CAMK1D: variants seen among roughly 807,000 people sequenced by gnomAD.
CAMK1D encodes the protein calcium/calmodulin-dependent protein kinase type 1D.
Under a neutral mutation model 47.7 loss-of-function variants are expected in CAMK1D, and 9 were observed. That is an observed-to-expected ratio of 0.19 (90% CI 0.11 to 0.33). The LOEUF (loss-of-function observed/expected upper bound fraction) is 0.33, where lower values mean the gene tolerates loss of function less well. Ranked by LOEUF, CAMK1D falls within the 10% of genes least tolerant of loss-of-function variation. The pLI is 1.00. For synonymous variants in CAMK1D, 184 were observed against 184.9 expected, an observed-to-expected ratio of 0.99 and a Z score of 0.04; for missense variants, 291 against 488.7, an observed-to-expected ratio of 0.60 and a Z score of 3.81.
intron 1 of CAMK1D, among the ~76,000 whole-genome samples, chr10:12,395,091 A>G: frequency 7.9e-6 from 1 of 127,272 alleles, no homozygotes; most frequent in African/African-American, 3.1e-5. Flanking sequence ...TTTTTTGCAG[A>G]GACAGGGTCT....
intron 1 of CAMK1D, among the ~76,000 whole-genome samples, chr10:12,482,500 T>TG (rs1834094333): frequency 1.3e-5 from 2 of 151,480 alleles, no homozygotes. Flanking sequence ...ATAATAGAAT[T>TG]TTTTTTTCTC....
chr10:12,730,215 G>A (rs934353959), intron 3 of CAMK1D, among the ~76,000 whole-genome samples: 22 of 152,232 alleles, frequency 1.4e-4, no homozygotes, highest in Middle Eastern at 3.4e-3. Flanking sequence ...GATGGGGTAG[G>A]ATTCTGGATG....
chr10:12,420,264 T>A (rs78237740), intron 1 of CAMK1D, among the ~76,000 whole-genome samples: 1,740 of 152,366 alleles, frequency 0.011, 25 homozygotes, highest in African/African-American at 0.04. Context: ...GGCCCATGTC[T>A]ATGTAACTTT....
intron 10 of CAMK1D, among the ~76,000 whole-genome samples, chr10:12,828,189 C>G: frequency 6.6e-6 from 1 of 152,166 alleles, no homozygotes; most frequent in East Asian, 1.9e-4. Flanking sequence ...TACATGGAAC[C>G]TGTTGTACCA....
intron 1 of CAMK1D, among the ~76,000 whole-genome samples, chr10:12,548,220 G>A (rs948971672): frequency 1.3e-5 from 2 of 152,168 alleles, no homozygotes; most frequent in African/African-American, 4.8e-5. Context: ...TGGATTCACT[G>A]ATACATGCCA....
At chr10:12,821,265 T>C (rs1221672835) in intron 8 of CAMK1D, among the ~76,000 whole-genome samples, 1 of 152,172 alleles carries the variant, frequency 6.6e-6, no homozygotes, top group Non-Finnish European at 1.5e-5. Flanking sequence ...GATTGAAATG[T>C]TCATCTCATC....
intron 1 of CAMK1D, among the ~76,000 whole-genome samples, chr10:12,551,526 G>A (rs11257880): frequency 0.52 from 78,723 of 151,986 alleles, 21,124 homozygotes; most frequent in Non-Finnish European, 0.6. Context: ...AGGTCGAGGC[G>A]AGTGAATCAC....
intron 2 of CAMK1D, among the ~76,000 whole-genome samples, chr10:12,606,179 C>T (rs767279320): frequency 3.3e-4 from 50 of 150,444 alleles, no homozygotes; most frequent in Admixed American, 6.6e-4. Flanking sequence ...CTGTGAGCCG[C>T]GGCTGCTCAG....
At chr10:12,798,283 T>A (rs1838280966) in intron 6 of CAMK1D, among the ~76,000 whole-genome samples, 1 of 152,252 alleles carries the variant, frequency 6.6e-6, no homozygotes, top group Non-Finnish European at 1.5e-5. Context: ...GGCAGGGGAC[T>A]GACATCCATT....
intron 2 of CAMK1D, among the ~76,000 whole-genome samples, chr10:12,588,720 C>T (rs971627330): frequency 2.6e-5 from 4 of 151,976 alleles, no homozygotes; most frequent in Non-Finnish European, 5.9e-5. Flanking sequence ...TTCTCAACTT[C>T]TTTTCAAGAA....
intron 2 of CAMK1D, among the ~76,000 whole-genome samples, chr10:12,649,866 A>G (rs952998623): frequency 6.6e-6 from 1 of 152,196 alleles, no homozygotes; most frequent in Non-Finnish European, 1.5e-5. Flanking sequence ...CACTTGGGAA[A>G]TTAAAAGTGG....
chr10:12,656,656 A>G (rs992436145), intron 2 of CAMK1D, among the ~76,000 whole-genome samples: 1 of 152,230 alleles, frequency 6.6e-6, no homozygotes. Flanking sequence ...TTACAGACTT[A>G]AGAGCTTAGT....
intron 1 of CAMK1D, among the ~76,000 whole-genome samples, chr10:12,538,693 A>C (rs1286650015): frequency 2.0e-5 from 3 of 152,100 alleles, no homozygotes; most frequent in Non-Finnish European, 4.4e-5. Flanking sequence ...TTAGATGCAG[A>C]AGAGCATTAT....
chr10:12,711,497 ATT>A (rs1265226495), intron 3 of CAMK1D, among the ~76,000 whole-genome samples: 1 of 152,162 alleles, frequency 6.6e-6, no homozygotes, highest in African/African-American at 2.4e-5. Context: ...AATGTTTTAC[ATT>A]TTATGTTCAT....
intron 1 of CAMK1D, among the ~76,000 whole-genome samples, chr10:12,366,300 G>A (rs960826258): frequency 1.3e-5 from 2 of 152,138 alleles, no homozygotes; most frequent in Admixed American, 1.3e-4. Flanking sequence ...AATTAGAACA[G>A]CAACATGCCA....
intron 1 of CAMK1D, among the ~76,000 whole-genome samples, chr10:12,488,822 T>C (rs1750923845): frequency 6.6e-6 from 1 of 152,172 alleles, no homozygotes; most frequent in Non-Finnish European, 1.5e-5. Flanking sequence ...ATGGCGCCGC[T>C]GATCTGACGG....
At chr10:12,686,895 A>G (rs924001021) in intron 3 of CAMK1D, among the ~76,000 whole-genome samples, 1 of 152,208 alleles carries the variant, frequency 6.6e-6, no homozygotes, top group Non-Finnish European at 1.5e-5. Flanking sequence ...CCAGATCCAT[A>G]AAAACCTTTA....
At chr10:12,591,860 AT>A (rs1838005665) in intron 2 of CAMK1D, among the ~76,000 whole-genome samples, 1 of 151,936 alleles carries the variant, frequency 6.6e-6, no homozygotes, top group Non-Finnish European at 1.5e-5. Context: ...CGCCCAGCTA[AT>A]TTTTTGTATT....
chr10:12,433,000 C>G (rs540830249), intron 1 of CAMK1D, among the ~76,000 whole-genome samples: 1 of 152,194 alleles, frequency 6.6e-6, no homozygotes, highest in African/African-American at 2.4e-5. Context: ...TGAGCCAGCT[C>G]ACACGGATCA....
Sources: allele counts gnomAD v4.1 joint callset (sites outside exome capture counted in the v4.1 genomes callset), GRCh38; gene constraint gnomAD v4.1.1; transcripts MANE v1.5; gene names NCBI Gene and HGNC (gene_info 2026-07-23, HGNC 2026-07-21).